The following GFPT1 variants were observed in gnomAD, a reference collection of about 807,000 sequenced individuals.
GFPT1 encodes glutamine--fructose-6-phosphate aminotransferase [isomerizing] 1.
Under a neutral mutation model 92.0 loss-of-function variants are expected in GFPT1, and 40 were observed. The ratio of observed to expected loss-of-function variants is 0.43; its 90% CI spans 0.34 to 0.57. GFPT1 has a LOEUF of 0.57. Ranked by LOEUF, GFPT1 falls within the 20% of genes least tolerant of loss-of-function variation. GFPT1 has a pLI of 0.02. For missense variants in GFPT1, 448 were observed against 869.1 expected, an observed-to-expected ratio of 0.52 and a Z score of 6.09; for synonymous variants, 269 against 280.6, an observed-to-expected ratio of 0.96 and a Z score of 0.41.
chr2:69,327,609 C>A (rs1574039740), intron 18 of GFPT1, among the ~76,000 whole-genome samples: 1 of 151,896 alleles, frequency 6.6e-6, no homozygotes, highest in Admixed American at 6.6e-5. Context: ...GTAGCTGGGA[C>A]TACAGTCATG....
At chr2:69,363,711 C>G in intron 3 of GFPT1, 41 bp from the exon 4 acceptor site, 1 of 1,399,204 alleles carries the variant, frequency 7.1e-7, no homozygotes, top group Non-Finnish European at 1.0e-6. Context: ...TTAAATCATG[C>G]TGCAGAGATA....
chr2:69,373,552 G>C (rs548480136), intron 2 of GFPT1, among the ~76,000 whole-genome samples: 7 of 152,110 alleles, frequency 4.6e-5, no homozygotes, highest in Non-Finnish European at 8.8e-5. Context: ...CCCAGAGTTC[G>C]AGACTGTAGT....
At chr2:69,364,114 CAAAA>C (rs10715095) in intron 3 of GFPT1, among the ~76,000 whole-genome samples, 1 of 99,108 alleles carries the variant, frequency 1.0e-5, no homozygotes, top group Non-Finnish European at 2.2e-5. Flanking sequence ...GACTCCATCT[CAAAA>C]AAAAAAAAAA....
intron 14 of GFPT1, 112 bp downstream of exon 14, chr2:69,338,333 T>A: frequency 1.1e-6 from 1 of 905,224 alleles, no homozygotes; most frequent in Non-Finnish European, 1.8e-6. Flanking sequence ...TCTGTATTCG[T>A]CAAGTCATCT....
rs1216765737 is a variant in GFPT1, at chr2:69,358,427, T to G, written c.445A>C (p.Thr149Pro). 1 of 1,610,068 alleles carries G rather than the reference T, an allele frequency of 6.2e-7. No individual in the cohort carries two copies. Among genetic ancestry groups the G allele is most frequent in the Non-Finnish European group, 8.5e-7 (1 of 1,176,572 alleles). The change falls in exon 6 of 20, where the codon ACA (threonine) becomes CCA (proline). Residue 149 changes from threonine to proline, a missense_variant. By Grantham distance (38) the Thr-to-Pro change is conservative. Around this residue, in one of 7 missense-constraint regions of GFPT1, gnomAD observed 118 missense variants for 192.9 expected, o/e 0.61. Coordinates refer to ENST00000357308, the MANE Select transcript of GFPT1 (RefSeq NM_001244710.2). ...TTAACGAGCTTGGCAATTGTCTCTGTGTCTGTTTCAGATTCGAAGTCATAG... is the reference window on the plus strand; with the variant it reads ...TTAACGAGCTTGGCAATTGTCTCTGGGTCTGTTTCAGATTCGAAGTCATAG... ...KGYDFESETD[T>P]ETIAKLVKYM...
chr2:69,346,009 T>C lies in GFPT1; in HGVS notation c.1010-10A>G, dbSNP rs753072061. 5.8e-5 allele frequency: 82 copies of C among 1,422,614 alleles called. No individual in the cohort carries two copies. Among genetic ancestry groups the C allele is most frequent in the Middle Eastern group, 3.5e-4 (2 of 5,684 alleles). 88.1% of individuals were successfully genotyped at this position (1,422,614 alleles called of 1,614,324 possible). On this transcript the variant is annotated splice_polypyrimidine_tract_variant and intron_variant, in intron 11 of 19. Transcript: ENST00000357308. ...AATGAACTGAAGTTGCCTATAGTAA[T>C]AGAAATCACATAATTAAAACAAAAA... is the stretch of plus-strand genomic sequence containing the variant.
chr2:69,351,558 T>C (rs909513404), intron 9 of GFPT1, among the ~76,000 whole-genome samples: 1 of 152,232 alleles, frequency 6.6e-6, no homozygotes, highest in Non-Finnish European at 1.5e-5. Flanking sequence ...GAGCTGATCA[T>C]TATACATTGT....
chr2:69,362,611 T>C (rs995799842), intron 4 of GFPT1, among the ~76,000 whole-genome samples: 3 of 151,810 alleles, frequency 2.0e-5, no homozygotes, highest in Admixed American at 6.6e-5. Context: ...TCCTGGCTAA[T>C]ACAGTGAAAT....
chr2:69,369,937 G>A, intron 3 of GFPT1, 64 bp downstream of exon 3: 1 of 916,452 alleles, frequency 1.1e-6, no homozygotes, highest in Admixed American at 1.7e-5. Flanking sequence ...TAACTTAGAG[G>A]AGAATGGGGA....
chr2:69,377,655 G>A (rs192514361), intron 1 of GFPT1, among the ~76,000 whole-genome samples: 72 of 152,122 alleles, frequency 4.7e-4, no homozygotes, highest in Non-Finnish European at 4.7e-4. Flanking sequence ...GCAAGACTCC[G>A]TCTCAAAAAA....
chr2:69,349,942 A>C, intron 10 of GFPT1, 136 bp downstream of exon 10: 1 of 700,514 alleles, frequency 1.4e-6, no homozygotes. Flanking sequence ...CATCTCCAAA[A>C]TGGTCACCTG....
intron 12 of GFPT1, among the ~76,000 whole-genome samples, chr2:69,344,790 C>CCCA (rs1471128661): frequency 2.6e-5 from 4 of 151,696 alleles, no homozygotes; most frequent in Non-Finnish European, 5.9e-5. Flanking sequence ...GCTACAGGCA[C>CCCA]CCACCACCAC....
At chr2:69,360,739 C>A (rs1373139854) in intron 4 of GFPT1, among the ~76,000 whole-genome samples, 1 of 151,950 alleles carries the variant, frequency 6.6e-6, no homozygotes, top group African/African-American at 2.4e-5. Context: ...CCAAAATGTT[C>A]TTTTTCCTTT....
chr2:69,332,635 ATT>A (rs1164754142), intron 15 of GFPT1, among the ~76,000 whole-genome samples: 2 of 151,376 alleles, frequency 1.3e-5, no homozygotes, highest in East Asian at 3.9e-4. Context: ...GGTAGTTCTG[ATT>A]TTTTTTAATC....
chr2:69,382,844 G>A (rs1225087093), intron 1 of GFPT1, among the ~76,000 whole-genome samples: 2 of 152,210 alleles, frequency 1.3e-5, no homozygotes, highest in South Asian at 4.2e-4. Context: ...CCAAACCCCA[G>A]AGCTCTCCAG....
At chr2:69,365,724 G>C (rs1351394640) in intron 3 of GFPT1, among the ~76,000 whole-genome samples, 1 of 152,028 alleles carries the variant, frequency 6.6e-6, no homozygotes, top group African/African-American at 2.4e-5. Flanking sequence ...AAGTAATTAA[G>C]GCAACCTGAT....
chr2:69,375,795 C>T (rs1347025132), intron 1 of GFPT1, among the ~76,000 whole-genome samples: 1 of 152,146 alleles, frequency 6.6e-6, no homozygotes, highest in Non-Finnish European at 1.5e-5. Flanking sequence ...CCCAGAGATA[C>T]CCACAAATAG....
intron 2 of GFPT1, among the ~76,000 whole-genome samples, chr2:69,373,601 A>T (rs989236865): frequency 6.6e-6 from 1 of 152,232 alleles, no homozygotes; most frequent in African/African-American, 2.4e-5. Context: ...CTGGGGTGAC[A>T]GAGTGAGACC....
intron 13 of GFPT1, among the ~76,000 whole-genome samples, chr2:69,340,625 G>T (rs1442274875): frequency 6.6e-6 from 1 of 151,714 alleles, no homozygotes; most frequent in African/African-American, 2.4e-5. Context: ...AGTGTAGTCA[G>T]TTATTCAGGA....
Sources: allele counts gnomAD v4.1 joint callset (sites outside exome capture counted in the v4.1 genomes callset), GRCh38; gene constraint gnomAD v4.1.1; regional missense constraint gnomAD v4.1.1; transcripts MANE v1.5; gene names NCBI Gene and HGNC (gene_info 2026-07-23, HGNC 2026-07-21).